Variants in ANOS1 observed in about 807,000 individuals in gnomAD.
ANOS1 encodes the protein anosmin-1.
A neutral mutation model predicts 59.0 loss-of-function variants in ANOS1; 6 were observed. The ratio of observed to expected loss-of-function variants is 0.10; its 90% CI spans 0.06 to 0.20. The LOEUF (loss-of-function observed/expected upper bound fraction) is 0.20, where lower values mean the gene tolerates loss of function less well. Ranked by LOEUF, ANOS1 falls within the 10% of genes least tolerant of loss-of-function variation. The probability of loss-of-function intolerance (pLI) is 1.00; values close to 1 mark genes in which losing one functional copy is unlikely to be tolerated. For missense variants in ANOS1, 433 were observed against 542.3 expected (o/e 0.80, Z 2.00); for synonymous variants, 217 against 223.4 (o/e 0.97, Z 0.25).
chrX:8,666,237 C>G (rs1179229591), intron 2 of ANOS1, among the ~76,000 whole-genome samples: 1 of 110,552 alleles, frequency 9.0e-6, no homozygotes, highest in Non-Finnish European at 1.9e-5. Context: ...GAAAAAAATC[C>G]CAAATTTTAA....
chrX:8,545,683 C>T (rs753786975), intron 9 of ANOS1, among the ~76,000 whole-genome samples: 3 of 111,885 alleles, frequency 2.7e-5, no homozygotes, highest in Admixed American at 1.9e-4. Flanking sequence ...AAACTACATG[C>T]TACATCCTAA....
chrX:8,622,229 C>T (rs1455378209), intron 3 of ANOS1, among the ~76,000 whole-genome samples: 3 of 111,552 alleles, frequency 2.7e-5, no homozygotes, highest in Admixed American at 9.5e-5. Context: ...ACAAGCCATT[C>T]GTCTGAGGAG....
chrX:8,546,106 T>C (rs1929768187), intron 9 of ANOS1, among the ~76,000 whole-genome samples: 1 of 111,959 alleles, frequency 8.9e-6, no homozygotes, highest in African/African-American at 3.2e-5. Flanking sequence ...ATATTCACAT[T>C]CCGTACAGTG....
At chrX:8,688,295 T>G (rs1164437667) in intron 2 of ANOS1, among the ~76,000 whole-genome samples, 1 of 112,048 alleles carries the variant, frequency 8.9e-6, no homozygotes, top group Non-Finnish European at 1.9e-5. Context: ...CAATCAGCAT[T>G]GGTGCATTTT....
intron 6 of ANOS1, 61 bp from the exon 7 acceptor site, chrX:8,570,765 T>C (rs1175984629): frequency 9.8e-7 from 1 of 1,022,759 alleles, no homozygotes; most frequent in Non-Finnish European, 1.4e-6. Context: ...TTTGGACATG[T>C]AATGACTACA....
intron 10 of ANOS1, among the ~76,000 whole-genome samples, chrX:8,538,086 T>C (rs1400708452): frequency 9.0e-6 from 1 of 110,506 alleles, no homozygotes; most frequent in Non-Finnish European, 1.9e-5. Context: ...GCACAAACAG[T>C]GAATAGGAAA....
At chrX:8,719,269 C>T (rs1932859798) in intron 1 of ANOS1, among the ~76,000 whole-genome samples, 1 of 112,359 alleles carries the variant, frequency 8.9e-6, no homozygotes, top group African/African-American at 3.2e-5. Context: ...TCATTACTTC[C>T]AACAGTGTAG....
intron 8 of ANOS1, among the ~76,000 whole-genome samples, chrX:8,555,065 A>T (rs183213796): frequency 8.9e-6 from 1 of 112,001 alleles, no homozygotes; most frequent in Admixed American, 9.5e-5. Context: ...AGAACTCAGG[A>T]TTAAGAAAGC....
intron 3 of ANOS1, among the ~76,000 whole-genome samples, chrX:8,610,033 A>AAACAAC (rs1232364586): frequency 0.011 from 900 of 81,758 alleles, 6 homozygotes; most frequent in Admixed American, 0.018. Context: ...AAAAAAAAAA[A>AAACAAC]AACAACAACC....
Position 8,587,992 on chromosome X carries a change from G to T in ANOS1, c.542-14C>A. 8.4e-7 allele frequency: 1 copy of T among 1,190,745 alleles called. No individual in the cohort carries two copies. Among genetic ancestry groups the T allele is most frequent in the Non-Finnish European group, 1.1e-6 (1 of 878,260 alleles). The stretch of plus-strand genomic sequence containing the variant: ...TCAGGGGGACACCTGAAACAGGACC[G>T]TATCAATTAAAACAATCTGCGTGTG... On this transcript the variant is annotated splice_polypyrimidine_tract_variant and intron_variant, in intron 4 of 13. Coordinates refer to ENST00000262648, the MANE Select transcript of ANOS1 (RefSeq NM_000216.4).
chrX:8,650,600 C>A (rs1208117039), intron 2 of ANOS1, among the ~76,000 whole-genome samples: 2 of 111,871 alleles, frequency 1.8e-5, no homozygotes, highest in African/African-American at 6.5e-5. Context: ...CGTCTGTAAT[C>A]CCAGCTACTC....
intron 2 of ANOS1, among the ~76,000 whole-genome samples, chrX:8,689,854 A>G (rs1932580689): frequency 9.0e-6 from 1 of 111,344 alleles, no homozygotes; most frequent in Admixed American, 9.6e-5. Context: ...GGCTACTTAT[A>G]ATTATCTTGT....
At chrX:8,685,617 AAAG>A (rs1304455954) in intron 2 of ANOS1, among the ~76,000 whole-genome samples, 1 of 95,106 alleles carries the variant, frequency 1.1e-5, no homozygotes, top group Non-Finnish European at 2.0e-5. Flanking sequence ...AGAAAGAAAG[AAAG>A]AAAGAAAGAA....
rs1932064088 is a variant in ANOS1, at chrX:8,662,898, C to T, written c.255+36800G>A. ...AATTAGCCAGGCATGGTGGCAGGCA[C>T]CTGTAATTTCAGCTCCTCAGGAGGG... On this transcript the variant is annotated intron_variant, in intron 2 of 13. Transcript: ENST00000262648. 2.7e-5 allele frequency among the ~76,000 whole-genome samples: 3 copies of T among 111,994 alleles called. No homozygotes were observed. In the Admixed American group the frequency reaches 2.8e-4, roughly 11 times the overall value.
At chrX:8,536,719 C>T (rs375137823) in intron 11 of ANOS1, 52 bp downstream of exon 11, 84 of 1,046,753 alleles carry the variant, frequency 8.0e-5, no homozygotes, top group African/African-American at 4.3e-4. Context: ...GTTTGCAAAG[C>T]GCTGCTGACA....
At chrX:8,627,694 GC>G (rs1202638704) in intron 2 of ANOS1, among the ~76,000 whole-genome samples, 1 of 110,203 alleles carries the variant, frequency 9.1e-6, no homozygotes, top group Non-Finnish European at 1.9e-5. Context: ...GGATAAGTTT[GC>G]CAAAAGTCTA....
intron 6 of ANOS1, among the ~76,000 whole-genome samples, chrX:8,572,975 T>A (rs1443949690): frequency 2.7e-5 from 3 of 110,111 alleles, no homozygotes; most frequent in African/African-American, 6.6e-5. Flanking sequence ...CCCCCAGTCA[T>A]CAATATTCAC....
intron 1 of ANOS1, among the ~76,000 whole-genome samples, chrX:8,716,900 CA>C (rs1569090097): frequency 1.8e-5 from 2 of 111,734 alleles, no homozygotes; most frequent in African/African-American, 6.5e-5. Context: ...GAGACAGAGA[CA>C]GATGGAATAG....
intron 3 of ANOS1, among the ~76,000 whole-genome samples, chrX:8,600,355 T>C (rs1395716511): frequency 8.9e-6 from 1 of 112,329 alleles, no homozygotes; most frequent in East Asian, 2.8e-4. Context: ...CTTTTCTTAA[T>C]TAACAAAAGG....
Sources: allele counts gnomAD v4.1 joint callset (sites outside exome capture counted in the v4.1 genomes callset), GRCh38; gene constraint gnomAD v4.1.1; transcripts MANE v1.5; gene names NCBI Gene and HGNC (gene_info 2026-07-23, HGNC 2026-07-21).